PPARG: variants seen among roughly 807,000 people sequenced by gnomAD.
The protein encoded by PPARG is peroxisome proliferator activated receptor gamma.
Under a neutral mutation model 39.2 loss-of-function variants are expected in PPARG, and 17 were observed. That is an observed-to-expected ratio of 0.43 (90% CI 0.30 to 0.65). The LOEUF (loss-of-function observed/expected upper bound fraction) is 0.65. Among genes scored for constraint, PPARG ranks in the 30% least tolerant of loss-of-function variants. PPARG has a pLI of 0.13. For missense variants in PPARG, 406 were observed against 585.9 expected (o/e 0.69, Z 3.17); for synonymous variants, 223 against 215.7 (o/e 1.03, Z -0.30).
intron 2 of PPARG, among the ~76,000 whole-genome samples, chr3:12,353,865 C>G (rs182102449): frequency 1.7e-4 from 26 of 152,320 alleles, no homozygotes; most frequent in African/African-American, 6.3e-4. Flanking sequence ...TGAAGGGAAG[C>G]TTCCACAAGC....
chr3:12,365,437 A>G (rs2048985060), intron 2 of PPARG, among the ~76,000 whole-genome samples: 1 of 152,192 alleles, frequency 6.6e-6, no homozygotes, highest in Non-Finnish European at 1.5e-5. Context: ...TGGTGTATCT[A>G]AAAAGTCCTA....
chr3:12,379,196 G>A (rs1403264536), intron 2 of PPARG, among the ~76,000 whole-genome samples: 1 of 151,938 alleles, frequency 6.6e-6, no homozygotes, highest in Admixed American at 6.6e-5. Context: ...GTAGAGATGA[G>A]GTTTCACCAT....
chr3:12,333,497 C>G (rs960634473), intron 2 of PPARG, among the ~76,000 whole-genome samples: 1 of 152,116 alleles, frequency 6.6e-6, no homozygotes, highest in Non-Finnish European at 1.5e-5. Flanking sequence ...CAGAGTCTCA[C>G]TCTGTTGCTC....
At chr3:12,295,448 C>G (rs568131790) in intron 1 of PPARG, among the ~76,000 whole-genome samples, 135 of 152,026 alleles carry the variant, frequency 8.9e-4, no homozygotes, top group African/African-American at 3.0e-3. Flanking sequence ...TTAGAAACAT[C>G]CTGATTTTAT....
At chr3:12,326,905 C>T (rs2047711506) in intron 2 of PPARG, among the ~76,000 whole-genome samples, 1 of 152,082 alleles carries the variant, frequency 6.6e-6, no homozygotes, top group Non-Finnish European at 1.5e-5. Context: ...TACAGATATC[C>T]TGGGTTTTGA....
At chr3:12,287,922 G>A (rs2046548465), upstream of PPARG, 1 of 146,032 alleles carries the variant, frequency 6.8e-6, no homozygotes, top group South Asian at 2.1e-4. Context: ...GCGGGGCCCA[G>A]CGCACTCGGA....
rs1437418078 is a variant in PPARG, at chr3:12,354,732, C to T, written c.-8-24972C>T. On this transcript the variant is annotated intron_variant, in intron 2 of 7. Coordinates refer to ENST00000651735, the MANE Select transcript of PPARG (RefSeq NM_138711.6). ...TTGCGCCACTGCACTCCAGCCTGGG[C>T]GACAGAGCGAGACTCCATCTCAAAA... Among the ~76,000 whole-genome samples, 13 of 133,316 alleles carry T rather than the reference C, an allele frequency of 9.8e-5. 1 individual carries two copies. The highest frequency in any genetic ancestry group is 7.0e-4 in the South Asian group (3 of 4,314). 87.5% of individuals were successfully genotyped at this position (133,316 alleles called of 152,430 possible). A position where few individuals can be genotyped will look rare whatever the true frequency, so the allele number is the denominator to read the frequency against.
At chr3:12,392,843 GT>G in intron 5 of PPARG, 91 bp downstream of exon 5, 2 of 1,481,700 alleles carry the variant, frequency 1.3e-6, no homozygotes, top group Non-Finnish European at 9.4e-7. Flanking sequence ...AATGTGTACA[GT>G]TTTTCCACCA....
At chr3:12,302,463 A>G (rs945664215) in intron 1 of PPARG, among the ~76,000 whole-genome samples, 1 of 152,222 alleles carries the variant, frequency 6.6e-6, no homozygotes, top group African/African-American at 2.4e-5. Context: ...AAGAATTACT[A>G]AATACCATTG....
chr3:12,377,540 A>AT (rs534457325), intron 2 of PPARG, among the ~76,000 whole-genome samples: 93 of 152,242 alleles, frequency 6.1e-4, no homozygotes, highest in African/African-American at 2.1e-3. Context: ...TTTTTGTATT[A>AT]TTTTAAGAAC....
intron 2 of PPARG, among the ~76,000 whole-genome samples, chr3:12,360,574 C>A (rs188699813): frequency 2.1e-3 from 263 of 126,518 alleles, no homozygotes; most frequent in Middle Eastern, 4.3e-3. Flanking sequence ...AGCACCCAGA[C>A]AAAAAAAAAA....
At chr3:12,365,450 C>T (rs999563621) in intron 2 of PPARG, among the ~76,000 whole-genome samples, 2 of 152,078 alleles carry the variant, frequency 1.3e-5, no homozygotes, top group African/African-American at 2.4e-5. Context: ...AAGTCCTATC[C>T]GTGCTCAAGG....
At position 12,433,805 on chromosome 3, in the gene PPARG, G is replaced by A. The variant is rs1254386767; in HGVS notation, c.1181-93G>A. The A allele has an allele frequency of 3.8e-6, 6 of 1,573,974 alleles. No individual in the cohort carries two copies. The East Asian group carries it at 6.7e-5, about 18-fold the overall frequency. On this transcript the variant is annotated intron_variant, in intron 7 of 7. Transcript: ENST00000651735. The stretch of plus-strand genomic sequence containing the variant: ...CAAAACAAACCAAAAATACAGATGA[G>A]TTGCTTGGTAGAGCTGCCTAGGCCT...
chr3:12,326,330 A>C (rs948324566), intron 2 of PPARG, among the ~76,000 whole-genome samples: 3 of 152,222 alleles, frequency 2.0e-5, no homozygotes, highest in Middle Eastern at 3.2e-3. Flanking sequence ...AGTGATACAC[A>C]ATATGCGTTT....
intron 2 of PPARG, among the ~76,000 whole-genome samples, chr3:12,372,654 G>A (rs980022729): frequency 2.6e-5 from 4 of 151,996 alleles, no homozygotes; most frequent in African/African-American, 7.3e-5. Context: ...AAACCCCAAA[G>A]GTAAAGCATA....
Position 12,308,702 on chromosome 3 carries a change from G to A in PPARG, c.-82-3678G>A, listed in dbSNP as rs2047146033. On this transcript the variant is annotated intron_variant, in intron 1 of 7. Transcript: ENST00000651735. ...GCTGCTTTTAAATCAGTCATGGTGG[G>A]AGTATTTACACCACAAAAATTGGCA... Among the ~76,000 whole-genome samples the A allele has an allele frequency of 2.0e-5, 3 of 152,218 alleles. No homozygotes were observed. In the South Asian group the frequency reaches 6.2e-4, roughly 32 times the overall value.
At chr3:12,417,421 CT>C (rs1158953924) in intron 7 of PPARG, among the ~76,000 whole-genome samples, 1 of 152,086 alleles carries the variant, frequency 6.6e-6, no homozygotes, top group Non-Finnish European at 1.5e-5. Context: ...TCTCCTTTTT[CT>C]TTTTCTTTTC....
chr3:12,321,053 A>G (rs2125020107), intron 2 of PPARG, among the ~76,000 whole-genome samples: 1 of 152,348 alleles, frequency 6.6e-6, no homozygotes, highest in East Asian at 1.9e-4. Flanking sequence ...GTTATACACC[A>G]GCATGAAAAG....
At chr3:12,405,273 A>G (rs2050618585) in intron 5 of PPARG, among the ~76,000 whole-genome samples, 1 of 152,168 alleles carries the variant, frequency 6.6e-6, no homozygotes, top group Non-Finnish European at 1.5e-5. Context: ...GACAAACATC[A>G]TTAAGTGGTA....
Sources: gnomAD v4.1 joint callset for allele counts (sites outside exome capture counted in the v4.1 genomes callset) on GRCh38, gnomAD v4.1.1 for gene constraint, MANE v1.5 for transcripts, NCBI Gene and HGNC (gene_info 2026-07-23, HGNC 2026-07-21) for gene names.